Variants in RIMS2 observed in about 807,000 individuals in gnomAD.
RIMS2 encodes the protein regulating synaptic membrane exocytosis protein 2.
A neutral mutation model predicts 174.4 loss-of-function variants in RIMS2; 59 were observed. That is an observed-to-expected ratio of 0.34 (90% confidence interval 0.27 to 0.42). The LOEUF (loss-of-function observed/expected upper bound fraction) is 0.42, where lower values mean the gene tolerates loss of function less well. Among genes scored for constraint, RIMS2 ranks in the 10% least tolerant of loss-of-function variants. The pLI, the probability that RIMS2 is intolerant of heterozygous loss-of-function variation, is 1.00. For synonymous variants in RIMS2, 606 were observed against 572.5 expected (o/e 1.06, Z -0.84); for missense variants, 1,620 against 1,666.3 (o/e 0.97, Z 0.48).
chr8:104,151,291 C>T (rs548623456), intron 19 of RIMS2, among the ~76,000 whole-genome samples: 132 of 152,156 alleles, frequency 8.7e-4, no homozygotes, highest in African/African-American at 2.9e-3. Flanking sequence ...GGAGTGGTTG[C>T]GGCATGGTGA....
At chr8:104,129,460 C>T (rs2098457235) in intron 19 of RIMS2, among the ~76,000 whole-genome samples, 1 of 152,186 alleles carries the variant, frequency 6.6e-6, no homozygotes, top group African/African-American at 2.4e-5. Flanking sequence ...ATTGTCTGCA[C>T]ATTGTTGAGA....
At chr8:103,734,014 C>CTTTTTTTTTTTTTTTTTTTTTTTTTTT (rs59348302) in intron 2 of RIMS2, among the ~76,000 whole-genome samples, 1 of 85,740 alleles carries the variant, frequency 1.2e-5, no homozygotes, top group African/African-American at 5.4e-5. Context: ...CTAAAAGCTT[C>CTTTTTTTTTTTTTTTTTTTTTTTTTTT]TTTTTTTTTT....
exon 4 of RIMS2, chr8:103,885,530 G>T: frequency 6.2e-7 from 1 of 1,612,056 alleles, no homozygotes; most frequent in Non-Finnish European, 8.5e-7. Context: ...TATTGTAGAT[G>T]ATGAGGATGT....
chr8:103,749,983 C>G (rs2097864904), intron 2 of RIMS2, among the ~76,000 whole-genome samples: 1 of 151,964 alleles, frequency 6.6e-6, no homozygotes, highest in East Asian at 1.9e-4. Context: ...GAATTGGGTT[C>G]TAAGCTTAAA....
chr8:103,848,970 C>T (rs1267140792), intron 3 of RIMS2, among the ~76,000 whole-genome samples: 1 of 152,058 alleles, frequency 6.6e-6, no homozygotes, highest in Non-Finnish European at 1.5e-5. Flanking sequence ...TGGATGACTT[C>T]TCTGACCTTG....
intron 3 of RIMS2, among the ~76,000 whole-genome samples, chr8:103,855,215 C>T (rs1257646913): frequency 3.3e-5 from 5 of 151,944 alleles, no homozygotes; most frequent in Non-Finnish European, 7.4e-5. Flanking sequence ...TCATCTTTAT[C>T]ATTTCTGATT....
At chr8:103,998,322 T>A (rs985909064) in intron 17 of RIMS2, 1 of 1,005,718 alleles carries the variant, frequency 9.9e-7, no homozygotes, top group Non-Finnish European at 1.5e-6. Flanking sequence ...TATAGTTCAC[T>A]TTTATTTCTG....
At chr8:103,751,461 C>T (rs907340006) in intron 2 of RIMS2, among the ~76,000 whole-genome samples, 3 of 151,692 alleles carry the variant, frequency 2.0e-5, no homozygotes, top group African/African-American at 7.3e-5. Context: ...GGTATATACC[C>T]AGTAATGGGA....
At chr8:103,732,024 G>T (rs907447486) in intron 2 of RIMS2, among the ~76,000 whole-genome samples, 6 of 152,164 alleles carry the variant, frequency 3.9e-5, no homozygotes, top group Admixed American at 2.0e-4. Flanking sequence ...TGAAGAGTTA[G>T]GTATTTATTA....
At chr8:104,019,298 T>A (rs1473072440) in intron 19 of RIMS2, among the ~76,000 whole-genome samples, 1 of 152,220 alleles carries the variant, frequency 6.6e-6, no homozygotes, top group African/African-American at 2.4e-5. Context: ...AATTGAATAC[T>A]AATCTTACCA....
chr8:103,938,585 TGTC>T (rs199706184), intron 13 of RIMS2, among the ~76,000 whole-genome samples: 1,548 of 152,252 alleles, frequency 0.01, 10 homozygotes, highest in Middle Eastern at 0.017. Flanking sequence ...CCAAATCTCA[TGTC>T]GTCACATTTC....
intron 4 of RIMS2, chr8:103,909,989 ACT>A: frequency 2.6e-6 from 1 of 377,520 alleles, no homozygotes. Flanking sequence ...TATAGCACTC[ACT>A]ATATATATAT....
chr8:104,146,966 A>G (rs1249684922), intron 19 of RIMS2, among the ~76,000 whole-genome samples: 2 of 152,096 alleles, frequency 1.3e-5, no homozygotes, highest in Non-Finnish European at 2.9e-5. Context: ...AAGTGCTAGT[A>G]TTACAGACGT....
chr8:103,769,638 T>A (rs1189616625), intron 3 of RIMS2, among the ~76,000 whole-genome samples: 3 of 151,894 alleles, frequency 2.0e-5, no homozygotes, highest in Non-Finnish European at 1.5e-5. Flanking sequence ...CTATCTGTAA[T>A]CTTTGAAGAA....
chr8:103,542,509 T>G (rs969363640), intron 1 of RIMS2, among the ~76,000 whole-genome samples: 1 of 152,186 alleles, frequency 6.6e-6, no homozygotes, highest in Non-Finnish European at 1.5e-5. Context: ...ATTATGCCAA[T>G]ATCAAAGCCA....
At chr8:103,824,299 T>C (rs964260744) in intron 3 of RIMS2, among the ~76,000 whole-genome samples, 1 of 152,158 alleles carries the variant, frequency 6.6e-6, no homozygotes, top group African/African-American at 2.4e-5. Flanking sequence ...AAATAATTAC[T>C]AGTAAACTTC....
rs192069179 is a variant in RIMS2, at chr8:104,160,065, G to T, written c.3335-84851G>T. Among the ~76,000 whole-genome samples the T allele has an allele frequency of 7.4e-3, 1,125 of 152,012 alleles. 7 individuals are homozygous for T. The highest frequency in any genetic ancestry group is 9.1e-3 in the South Asian group (44 of 4,812). On this transcript the variant is annotated intron_variant, in intron 19 of 23. Transcript: ENST00000504942. Reference sequence around the variant, plus strand: ...GAGGCGGGAGGATTACTTGAACCTGGAAGGCAGAGGTTGCAGTGAGCTGAG... The same window carrying T: ...GAGGCGGGAGGATTACTTGAACCTGTAAGGCAGAGGTTGCAGTGAGCTGAG...
chr8:103,659,369 A>G (rs2096569090), intron 1 of RIMS2, among the ~76,000 whole-genome samples: 1 of 152,094 alleles, frequency 6.6e-6, no homozygotes, highest in African/African-American at 2.4e-5. Context: ...CCTGTGTACT[A>G]CCTTCTCAAA....
intron 1 of RIMS2, among the ~76,000 whole-genome samples, chr8:103,632,770 G>A (rs2095967723): frequency 9.4e-6 from 1 of 106,308 alleles, no homozygotes; most frequent in African/African-American, 3.9e-5. Flanking sequence ...ATGGAGTATC[G>A]CTCTGTAGCC....
Sources: allele counts gnomAD v4.1 joint callset (sites outside exome capture counted in the v4.1 genomes callset), GRCh38; gene constraint gnomAD v4.1.1; transcripts MANE v1.5; gene names NCBI Gene and HGNC (gene_info 2026-07-23, HGNC 2026-07-21).